Variants in CNTNAP2 observed in about 807,000 individuals in gnomAD.
The protein encoded by CNTNAP2 is contactin associated protein 2.
Under a neutral mutation model 155.2 loss-of-function variants are expected in CNTNAP2, and 98 were observed. The observed-to-expected ratio is 0.63, with a 90% confidence interval of 0.54 to 0.75. CNTNAP2 has a LOEUF of 0.75. Among genes scored for constraint, CNTNAP2 ranks in the 30% least tolerant of loss-of-function variants. CNTNAP2 has a pLI of 0.00. For synonymous variants in CNTNAP2, 651 were observed against 631.2 expected (o/e 1.03, Z -0.47); for missense variants, 1,727 against 1,688.1 (o/e 1.02, Z -0.40).
chr7:147,024,168 A>G (rs1402436544), intron 3 of CNTNAP2, among the ~76,000 whole-genome samples: 2 of 152,224 alleles, frequency 1.3e-5, no homozygotes, highest in African/African-American at 4.8e-5. Context: ...TGAGGACTAA[A>G]TTCAAAAATG....
At chr7:147,865,578 G>A (rs1718602170) in intron 13 of CNTNAP2, among the ~76,000 whole-genome samples, 1 of 152,028 alleles carries the variant, frequency 6.6e-6, no homozygotes, top group Admixed American at 6.6e-5. Context: ...TGATTGGTAG[G>A]CTATTAATTA....
In CNTNAP2 at chr7:147,856,337, G is replaced by A. The variant is rs116206345; in HGVS notation, c.2099-47228G>A. ...GAAGAAAAGAAATTGGCCAAGCAGC[G>A]GACTCATGTGTGCCCTGGCACTTTT... is the stretch of plus-strand genomic sequence containing the variant. On this transcript the variant is annotated intron_variant, in intron 13 of 23. Coordinates refer to ENST00000361727, the MANE Select transcript of CNTNAP2 (RefSeq NM_014141.6). Among the ~76,000 whole-genome samples, 458 of 152,182 alleles carry A rather than the reference G, an allele frequency of 3.0e-3. 1 individual carries two copies. Among genetic ancestry groups the A allele is most frequent in the African/African-American group, 0.01 (431 of 41,538 alleles).
rs1800868205 is a variant in CNTNAP2, at chr7:146,701,047, A to AG, written c.98-73224_98-73223insG. ...TGAATAATATGGAGTCAAGGCTCTG[A>AG]AAAAAAAAAGTAGATCAAACAAGGA... is the stretch of plus-strand genomic sequence containing the variant. On this transcript the variant is annotated intron_variant, in intron 1 of 23. Coordinates refer to ENST00000361727, the MANE Select transcript of CNTNAP2 (RefSeq NM_014141.6). Among the ~76,000 whole-genome samples, 3 of 54,878 alleles carry AG rather than the reference A, an allele frequency of 5.5e-5. No homozygotes were observed. The South Asian group carries it at 1.3e-3, about 24-fold the overall frequency. 36.0% of individuals were successfully genotyped at this position (54,878 alleles called of 152,430 possible). A position where few individuals can be genotyped will look rare whatever the true frequency, so the allele number is the denominator to read the frequency against.
chr7:146,885,361 T>C (rs1400310634), intron 3 of CNTNAP2, among the ~76,000 whole-genome samples: 1 of 152,126 alleles, frequency 6.6e-6, no homozygotes, highest in African/African-American at 2.4e-5. Context: ...ATACCAGGGA[T>C]CCAGTAGTCT....
intron 1 of CNTNAP2, among the ~76,000 whole-genome samples, chr7:146,248,335 C>G (rs1319575857): frequency 5.3e-5 from 8 of 152,078 alleles, no homozygotes; most frequent in Non-Finnish European, 1.5e-5. Flanking sequence ...GGGTACTTGC[C>G]CTTTCCCCAG....
chr7:147,734,702 T>C (rs148375797), intron 13 of CNTNAP2, among the ~76,000 whole-genome samples: 1,672 of 152,292 alleles, frequency 0.011, 94 homozygotes, highest in Admixed American at 0.087. Flanking sequence ...GAACCTGTTA[T>C]TGGTCTATTC....
At chr7:148,337,173 A>G (rs1356340394) in intron 21 of CNTNAP2, among the ~76,000 whole-genome samples, 2 of 151,998 alleles carry the variant, frequency 1.3e-5, no homozygotes, top group Non-Finnish European at 1.5e-5. Flanking sequence ...CTAACGGTGC[A>G]GCAGACACCC....
chr7:146,803,806 G>C (rs770727424), intron 2 of CNTNAP2, among the ~76,000 whole-genome samples: 1 of 152,110 alleles, frequency 6.6e-6, no homozygotes, highest in African/African-American at 2.4e-5. Context: ...GGAAAGTCTT[G>C]GTATAGTTTT....
rs148793545 is a variant in CNTNAP2, at chr7:147,123,519, A to G, written c.939+2356A>G. Among the ~76,000 whole-genome samples, 1,005 of 152,360 alleles carry G rather than the reference A, an allele frequency of 6.6e-3. 2 individuals are homozygous for G. The highest frequency in any genetic ancestry group is 0.014 in the Middle Eastern group (4 of 294). On this transcript the variant is annotated intron_variant, in intron 6 of 23. Coordinates refer to ENST00000361727, the MANE Select transcript of CNTNAP2 (RefSeq NM_014141.6). Reference sequence around the variant, plus strand: ...TGTTTGAGAACTGCAGGTATAGACTAAAATACCTGGAACTTATTTATTAGA... The same window carrying G: ...TGTTTGAGAACTGCAGGTATAGACTGAAATACCTGGAACTTATTTATTAGA...
intron 3 of CNTNAP2, among the ~76,000 whole-genome samples, chr7:146,842,355 C>G (rs1562969736): frequency 6.6e-6 from 1 of 152,106 alleles, no homozygotes; most frequent in Non-Finnish European, 1.5e-5. Context: ...CTGGTGTTCA[C>G]TTTGTTTCTT....
chr7:147,824,660 A>C (rs1380670074), intron 13 of CNTNAP2, among the ~76,000 whole-genome samples: 1 of 152,172 alleles, frequency 6.6e-6, no homozygotes, highest in Non-Finnish European at 1.5e-5. Context: ...ATAAAATGAT[A>C]TGATTCTTAA....
intron 15 of CNTNAP2, among the ~76,000 whole-genome samples, chr7:148,117,872 T>C (rs1400262086): frequency 6.7e-6 from 1 of 150,366 alleles, no homozygotes; most frequent in African/African-American, 2.4e-5. Flanking sequence ...TTTAATTTTA[T>C]ATAGATTGTA....
At chr7:147,745,743 G>C (rs534599163) in intron 13 of CNTNAP2, among the ~76,000 whole-genome samples, 1 of 152,332 alleles carries the variant, frequency 6.6e-6, no homozygotes, top group Non-Finnish European at 1.5e-5. Context: ...AAACTTGTCT[G>C]CATAGAGGAC....
At chr7:146,861,129 C>T (rs1243182177) in intron 3 of CNTNAP2, among the ~76,000 whole-genome samples, 2 of 151,990 alleles carry the variant, frequency 1.3e-5, no homozygotes, top group African/African-American at 2.4e-5. Context: ...GGTGTGATCT[C>T]GTTTCACTGC....
At chr7:146,646,721 T>C (rs1799818480) in intron 1 of CNTNAP2, among the ~76,000 whole-genome samples, 1 of 152,158 alleles carries the variant, frequency 6.6e-6, no homozygotes, top group Non-Finnish European at 1.5e-5. Flanking sequence ...TATCTAATTT[T>C]ATGGTGGAGT....
chr7:146,278,868 A>G (rs1800205288), intron 1 of CNTNAP2, among the ~76,000 whole-genome samples: 1 of 152,174 alleles, frequency 6.6e-6, no homozygotes, highest in South Asian at 2.1e-4. Context: ...GGATAGATGA[A>G]TGCCATCTTG....
chr7:147,640,398 G>A (rs868534716), intron 13 of CNTNAP2, among the ~76,000 whole-genome samples: 1 of 152,258 alleles, frequency 6.6e-6, no homozygotes, highest in South Asian at 2.1e-4. Flanking sequence ...CTACTTCAGG[G>A]TGATTGGGAG....
At chr7:147,942,820 G>A (rs1365219451) in intron 14 of CNTNAP2, among the ~76,000 whole-genome samples, 3 of 152,154 alleles carry the variant, frequency 2.0e-5, no homozygotes, top group South Asian at 2.1e-4. Context: ...GGCGGATCAC[G>A]AGGTCAGGAG....
At chr7:147,115,966 G>T (rs906736363) in intron 5 of CNTNAP2, among the ~76,000 whole-genome samples, 1 of 152,128 alleles carries the variant, frequency 6.6e-6, no homozygotes, top group African/African-American at 2.4e-5. Context: ...TTCAATGTTT[G>T]AAGTTGCTGA....
Sources: allele counts gnomAD v4.1 joint callset (sites outside exome capture counted in the v4.1 genomes callset), GRCh38; gene constraint gnomAD v4.1.1; transcripts MANE v1.5; gene names NCBI Gene and HGNC (gene_info 2026-07-23, HGNC 2026-07-21).